The following NEBL variants were observed in gnomAD, a reference collection of about 807,000 sequenced individuals.
The protein encoded by NEBL is LIM and SH3 protein 2.
A neutral mutation model predicts 140.2 loss-of-function variants in NEBL; 122 were observed. The ratio of observed to expected loss-of-function variants is 0.87; its 90% CI spans 0.75 to 1.01. NEBL has a LOEUF of 1.01. Ranked by LOEUF, NEBL falls within the 50% of genes least tolerant of loss-of-function variation. NEBL has a pLI of 0.00. For synonymous variants in NEBL, 436 were observed against 398.9 expected (o/e 1.09, Z -1.11); for missense variants, 1,365 against 1,231.3 (o/e 1.11, Z -1.62).
At chr10:20,797,716 A>G (rs1466587280) in intron 26 of NEBL, among the ~76,000 whole-genome samples, 2 of 152,192 alleles carry the variant, frequency 1.3e-5, no homozygotes, top group Admixed American at 1.3e-4. Context: ...AAGGATAGTT[A>G]GACAGGAGCA....
intron 3 of NEBL, among the ~76,000 whole-genome samples, chr10:21,182,738 G>GC: frequency 6.6e-6 from 1 of 152,224 alleles, no homozygotes; most frequent in African/African-American, 2.4e-5. Context: ...AAATTTTCTG[G>GC]TAGCTATATT....
In NEBL at chr10:21,116,513, C is replaced by T. The variant is rs533598732; in HGVS notation, c.164+55870G>A. On this transcript the variant is annotated intron_variant, in intron 2 of 6. Transcript: ENST00000417816. ...CATTAAGAGTTAGGACTTCAACATA[C>T]GGATTTGGTAAAGATGAGGAGGGTC... Among the ~76,000 whole-genome samples, 22 of 152,184 alleles carry T rather than the reference C, an allele frequency of 1.4e-4. No homozygotes were observed. In the East Asian group the frequency reaches 3.7e-3, roughly 25 times the overall value.
chr10:20,919,560 T>C (rs181088886), intron 4 of NEBL, among the ~76,000 whole-genome samples: 1 of 152,262 alleles, frequency 6.6e-6, no homozygotes, highest in Admixed American at 6.5e-5. Context: ...TAGACCCATG[T>C]CCACAGGACA....
intron 2 of NEBL, among the ~76,000 whole-genome samples, chr10:21,092,667 T>C (rs1836976729): frequency 6.6e-6 from 1 of 151,442 alleles, no homozygotes; most frequent in Admixed American, 6.6e-5. Context: ...GTTCCTTTAG[T>C]AGCCAACAGG....
At chr10:21,234,605 C>A (rs1015231558) in intron 3 of NEBL, among the ~76,000 whole-genome samples, 9 of 152,112 alleles carry the variant, frequency 5.9e-5, no homozygotes, top group Non-Finnish European at 2.9e-5. Context: ...TAACACAGAC[C>A]CTGCTTTCCA....
intron 26 of NEBL, among the ~76,000 whole-genome samples, chr10:20,795,519 G>C (rs1010400102): frequency 2.6e-5 from 4 of 152,034 alleles, no homozygotes; most frequent in African/African-American, 9.7e-5. Context: ...AGTCATTTTA[G>C]CATCTGACAA....
intron 2 of NEBL, among the ~76,000 whole-genome samples, chr10:21,107,781 G>A (rs1320112712): frequency 1.3e-5 from 2 of 152,134 alleles, no homozygotes; most frequent in Non-Finnish European, 2.9e-5. Flanking sequence ...GAATTCAGCT[G>A]TGAATCCATC....
intron 13 of NEBL, among the ~76,000 whole-genome samples, chr10:20,837,651 A>G (rs1035917987): frequency 1.3e-5 from 2 of 152,178 alleles, no homozygotes; most frequent in Non-Finnish European, 2.9e-5. Flanking sequence ...CCAGCCTTCT[A>G]TTGGAAAAAG....
intron 4 of NEBL, among the ~76,000 whole-genome samples, chr10:20,928,815 C>G (rs756237187): frequency 3.9e-5 from 6 of 152,168 alleles, no homozygotes; most frequent in Non-Finnish European, 7.3e-5. Flanking sequence ...AATTAAAGCA[C>G]GCTTTTGTAG....
At chr10:20,819,225 C>T in intron 20 of NEBL, 199 bp downstream of exon 20, 2 of 976,932 alleles carry the variant, frequency 2.0e-6, no homozygotes, top group Non-Finnish European at 2.9e-6. Flanking sequence ...CCCATCCTCT[C>T]CCGTCCAACA....
intron 2 of NEBL, among the ~76,000 whole-genome samples, chr10:21,067,128 A>C (rs1341891331): frequency 2.6e-5 from 4 of 151,728 alleles, no homozygotes; most frequent in Admixed American, 2.0e-4. Flanking sequence ...GCCCGCCACC[A>C]CGCCCGGCTA....
intron 3 of NEBL, among the ~76,000 whole-genome samples, chr10:21,227,937 G>C (rs1013351820): frequency 6.6e-6 from 1 of 151,632 alleles, no homozygotes; most frequent in Non-Finnish European, 1.5e-5. Flanking sequence ...CTTGTGGCAA[G>C]CACTGATTTT....
intron 3 of NEBL, among the ~76,000 whole-genome samples, chr10:21,240,015 CAA>C (rs796849325): frequency 2.8e-5 from 3 of 107,920 alleles, no homozygotes; most frequent in Admixed American, 9.6e-5. Context: ...GACTCTGCCT[CAA>C]AAAAAAAAAA....
rs1330277120 is a variant in NEBL at position 20,809,789 on chromosome 10, T to C, written c.2611+17A>G. 6.4e-7 allele frequency: 1 copy of C among 1,562,852 alleles called. No individual in the cohort carries two copies. Among genetic ancestry groups the C allele is most frequent in the Non-Finnish European group, 8.8e-7 (1 of 1,133,720 alleles). On this transcript the variant is annotated intron_variant, in intron 25 of 27. Transcript: ENST00000377122. ...ACAAAACCACATAAATGGGATGAAC[T>C]AAAAAGTGAGTAATACCAGAGAGCA...
intron 24 of NEBL, among the ~76,000 whole-genome samples, chr10:20,810,521 C>A (rs1357374991): frequency 1.3e-5 from 2 of 152,124 alleles, no homozygotes; most frequent in East Asian, 3.9e-4. Context: ...GTGTTATAAG[C>A]AAGGCACACA....
At chr10:20,909,976 T>C (rs993017650) in intron 4 of NEBL, among the ~76,000 whole-genome samples, 2 of 152,198 alleles carry the variant, frequency 1.3e-5, no homozygotes, top group Non-Finnish European at 2.9e-5. Context: ...TCCTTTGTAT[T>C]TCACTGTGTG....
intron 25 of NEBL, 56 bp downstream of exon 25, chr10:20,809,750 G>C: frequency 2.2e-6 from 3 of 1,334,748 alleles, no homozygotes; most frequent in East Asian, 4.6e-5. Context: ...AGTTCACAGT[G>C]GTTCACTTTT....
intron 12 of NEBL, among the ~76,000 whole-genome samples, chr10:20,841,171 T>C (rs1841383731): frequency 6.6e-6 from 1 of 152,090 alleles, no homozygotes; most frequent in Admixed American, 6.6e-5. Flanking sequence ...TTATTAATTG[T>C]TAAAACTATT....
intron 2 of NEBL, among the ~76,000 whole-genome samples, chr10:21,091,687 G>A (rs150869754): frequency 1.5e-4 from 23 of 152,288 alleles, no homozygotes; most frequent in Non-Finnish European, 2.5e-4. Flanking sequence ...GTACAGTGGC[G>A]CAATTATAGC....
Sources: gnomAD v4.1 joint callset for allele counts (sites outside exome capture counted in the v4.1 genomes callset) on GRCh38, gnomAD v4.1.1 for gene constraint, MANE v1.5 for transcripts, NCBI Gene and HGNC (gene_info 2026-07-23, HGNC 2026-07-21) for gene names.